Variants in SDCCAG8 observed in about 807,000 individuals in gnomAD.
SDCCAG8 encodes the protein SHH signaling and ciliogenesis regulator SDCCAG8.
In SDCCAG8, 74 loss-of-function variants were observed where a neutral mutation model predicts 101.8. That is an observed-to-expected ratio of 0.73 (90% CI 0.60 to 0.88). The LOEUF is 0.88. Ranked by LOEUF, SDCCAG8 falls within the 40% of genes least tolerant of loss-of-function variation. SDCCAG8 has a pLI of 0.00. For synonymous variants in SDCCAG8, 281 were observed against 292.9 expected (o/e 0.96, Z 0.41); for missense variants, 787 against 822.6 (o/e 0.96, Z 0.53).
At chr1:243,295,093 A>G (rs973051883) in intron 6 of SDCCAG8, among the ~76,000 whole-genome samples, 1 of 152,132 alleles carries the variant, frequency 6.6e-6, no homozygotes, top group East Asian at 1.9e-4. Context: ...GACTAAGTAA[A>G]TTGTATCTTT....
chr1:243,487,030 C>T (rs1665061842), intron 16 of SDCCAG8, among the ~76,000 whole-genome samples: 1 of 152,234 alleles, frequency 6.6e-6, no homozygotes, highest in Admixed American at 6.5e-5. Context: ...GCGAATGATG[C>T]TTTCCACCCA....
chr1:243,296,535 C>CT (rs756242066), intron 6 of SDCCAG8, among the ~76,000 whole-genome samples: 7,456 of 56,572 alleles, frequency 0.13, 1,831 homozygotes, highest in Non-Finnish European at 0.14. Flanking sequence ...CCCAACTGCT[C>CT]TTTTTTTTTT....
At chr1:243,456,031 G>A (rs557590561) in intron 16 of SDCCAG8, among the ~76,000 whole-genome samples, 1 of 152,200 alleles carries the variant, frequency 6.6e-6, no homozygotes, top group East Asian at 1.9e-4. Flanking sequence ...TGGGCTGATC[G>A]CTGGTCTACA....
chr1:243,415,405 TA>T (rs1476007102), intron 13 of SDCCAG8, among the ~76,000 whole-genome samples: 2 of 152,112 alleles, frequency 1.3e-5, no homozygotes, highest in Non-Finnish European at 2.9e-5. Flanking sequence ...TGTAAAACAT[TA>T]AGAATATTAG....
At chr1:243,359,766 TAAG>T (rs1363244114) in intron 12 of SDCCAG8, among the ~76,000 whole-genome samples, 1 of 152,222 alleles carries the variant, frequency 6.6e-6, no homozygotes, top group African/African-American at 2.4e-5. Context: ...CATAGTGAGC[TAAG>T]AACAAACCTT....
intron 16 of SDCCAG8, among the ~76,000 whole-genome samples, chr1:243,472,819 C>G (rs1357915521): frequency 6.6e-6 from 1 of 152,180 alleles, no homozygotes; most frequent in East Asian, 1.9e-4. Context: ...GTGACTCCAG[C>G]AAACAACTTT....
At chr1:243,337,161 A>G (rs1331184057) in intron 10 of SDCCAG8, among the ~76,000 whole-genome samples, 1 of 152,084 alleles carries the variant, frequency 6.6e-6, no homozygotes, top group East Asian at 1.9e-4. Flanking sequence ...TAAATCTTCA[A>G]TTCATCTAGG....
At chr1:243,286,972 A>C (rs572431754) in intron 5 of SDCCAG8, among the ~76,000 whole-genome samples, 1 of 152,280 alleles carries the variant, frequency 6.6e-6, no homozygotes, top group South Asian at 2.1e-4. Flanking sequence ...TTTCAGTGCA[A>C]ATTCCTGGAC....
At chr1:243,287,991 G>A (rs1356841226) in intron 5 of SDCCAG8, among the ~76,000 whole-genome samples, 1 of 152,206 alleles carries the variant, frequency 6.6e-6, no homozygotes, top group Non-Finnish European at 1.5e-5. Context: ...TCATAGAAAG[G>A]ATAAGGTTTT....
chr1:243,444,516 C>A (rs2082767622), intron 16 of SDCCAG8, among the ~76,000 whole-genome samples: 1 of 151,920 alleles, frequency 6.6e-6, no homozygotes, highest in South Asian at 2.1e-4. Flanking sequence ...GGACTACAGG[C>A]ACATGCTGCC....
At position 243,486,359 on chromosome 1, in the gene SDCCAG8, A is replaced by C. The variant is rs2148249653; in HGVS notation, c.1986-2655A>C. On this transcript the variant is annotated intron_variant, in intron 16 of 17. Transcript: ENST00000366541. ...CCTTCTTAGGGATCTCACTTCTCAC[A>C]GCAGGGGTGCTTCTGTGTGTGGACA... Among the ~76,000 whole-genome samples the C allele has an allele frequency of 2.0e-5, 3 of 152,286 alleles. No homozygotes were observed. In the South Asian group the frequency reaches 6.2e-4, roughly 32 times the overall value.
chr1:243,309,481 T>C (rs1310926208), intron 8 of SDCCAG8, among the ~76,000 whole-genome samples: 1 of 152,200 alleles, frequency 6.6e-6, no homozygotes, highest in African/African-American at 2.4e-5. Context: ...TTTCCACACA[T>C]GGCTAACTCA....
chr1:243,445,704 T>G (rs1378945155), intron 16 of SDCCAG8, among the ~76,000 whole-genome samples: 1 of 152,196 alleles, frequency 6.6e-6, no homozygotes, highest in African/African-American at 2.4e-5. Flanking sequence ...CCAAACTAAG[T>G]GAGGACATAA....
chr1:243,368,819 G>A (rs1233777583), intron 12 of SDCCAG8, among the ~76,000 whole-genome samples: 1 of 152,008 alleles, frequency 6.6e-6, no homozygotes, highest in African/African-American at 2.4e-5. Context: ...CACAAGTGAA[G>A]GCAAAAACAA....
rs149927864 is a variant in SDCCAG8, at chr1:243,278,136, A to G, written c.420+3480A>G. On this transcript the variant is annotated intron_variant, in intron 4 of 17. Transcript: ENST00000366541. ...CTATCCATGAACATGGAATATCTCT[A>G]TTTACTTAGATCTTCTTTGATTTCT... Among the ~76,000 whole-genome samples, 344 of 152,176 alleles carry G rather than the reference A, an allele frequency of 2.3e-3. 3 individuals carry two copies. Among genetic ancestry groups the G allele is most frequent in the African/African-American group, 8.1e-3 (336 of 41,532 alleles).
At chr1:243,393,654 A>T (rs1324737138) in intron 13 of SDCCAG8, among the ~76,000 whole-genome samples, 1 of 152,136 alleles carries the variant, frequency 6.6e-6, no homozygotes, top group African/African-American at 2.4e-5. Context: ...TGCTGTTTGT[A>T]TGGTTCTGGC....
chr1:243,377,462 A>G (rs1480621527), intron 12 of SDCCAG8, among the ~76,000 whole-genome samples: 1 of 152,086 alleles, frequency 6.6e-6, no homozygotes, highest in African/African-American at 2.4e-5. Flanking sequence ...GAAAATCTAC[A>G]GTGAATGAAA....
In SDCCAG8 at chr1:243,279,899, G is replaced by C. The variant is rs2068884889; in HGVS notation, c.420+5243G>C. ...ATGTTTTCACTTGGTTCGGGTATTAGGTTAATGCTGGCCTCATAAAATGAG... is the reference window on the plus strand; with the variant it reads ...ATGTTTTCACTTGGTTCGGGTATTACGTTAATGCTGGCCTCATAAAATGAG... On this transcript the variant is annotated intron_variant, in intron 4 of 17. Transcript: ENST00000366541. 2.6e-5 allele frequency among the ~76,000 whole-genome samples: 4 copies of C among 152,058 alleles called. No homozygotes were observed. The South Asian group carries it at 8.3e-4, about 32-fold the overall frequency.
At chr1:243,330,346 A>C (rs764584439) in intron 9 of SDCCAG8, among the ~76,000 whole-genome samples, 194 bp from the exon 10 acceptor site, 2 of 152,212 alleles carry the variant, frequency 1.3e-5, no homozygotes, top group Non-Finnish European at 2.9e-5. Context: ...TGAAAATTGA[A>C]ATATGTCAAT....
Sources: gnomAD v4.1 joint callset for allele counts (sites outside exome capture counted in the v4.1 genomes callset) on GRCh38, gnomAD v4.1.1 for gene constraint, MANE v1.5 for transcripts, NCBI Gene and HGNC (gene_info 2026-07-23, HGNC 2026-07-21) for gene names.